The following LRP2 variants were observed in gnomAD, a reference collection of about 807,000 sequenced individuals.
LRP2 encodes the protein LDL receptor related protein 2, also known as low-density lipoprotein receptor-related protein 2.
In LRP2, 172 loss-of-function variants were observed where a neutral mutation model predicts 531.0. The observed-to-expected ratio is 0.32, with a 90% confidence interval of 0.29 to 0.37. The LOEUF (loss-of-function observed/expected upper bound fraction) is 0.37, where lower values mean the gene tolerates loss of function less well. LRP2 is among the 10% of genes least tolerant of loss of function. The pLI is 1.00. For missense variants in LRP2, 5,167 were observed against 5,868.3 expected, an observed-to-expected ratio of 0.88 and a Z score of 3.90; for synonymous variants, 1,992 against 2,027.6, an observed-to-expected ratio of 0.98 and a Z score of 0.47.
chr2:169,268,985 A>G (rs1574202660), intron 16 of LRP2, among the ~76,000 whole-genome samples: 2 of 152,310 alleles, frequency 1.3e-5, no homozygotes, highest in Admixed American at 6.5e-5. Flanking sequence ...CCAAATCATG[A>G]GTGAACTCCC....
intron 48 of LRP2, among the ~76,000 whole-genome samples, chr2:169,189,187 AC>A (rs1026512055): frequency 6.6e-6 from 1 of 152,210 alleles, no homozygotes; most frequent in African/African-American, 2.4e-5. Flanking sequence ...ATGGTTTTGA[AC>A]AATTTATCAT....
At chr2:169,215,793 A>G (rs1688766515) in intron 35 of LRP2, among the ~76,000 whole-genome samples, 2 of 148,102 alleles carry the variant, frequency 1.4e-5, no homozygotes, top group South Asian at 2.1e-4. Context: ...TAGAATCTAT[A>G]TAGATTCTAT....
chr2:169,233,324 T>G (rs1204074277), intron 30 of LRP2, 87 bp downstream of exon 30: 1 of 1,431,410 alleles, frequency 7.0e-7, no homozygotes, highest in Non-Finnish European at 9.9e-7. Context: ...TCCAAACAAA[T>G]GGGTCTGTAA....
intron 16 of LRP2, among the ~76,000 whole-genome samples, chr2:169,264,944 G>T (rs539677562): frequency 6.6e-6 from 1 of 152,106 alleles, no homozygotes; most frequent in African/African-American, 2.4e-5. Context: ...GATGGATGTG[G>T]AACTGAGTAC....
chr2:169,350,916 G>A (rs1324509457), intron 1 of LRP2, among the ~76,000 whole-genome samples: 2 of 151,890 alleles, frequency 1.3e-5, no homozygotes, highest in African/African-American at 4.8e-5. Flanking sequence ...AGTCCATGCC[G>A]CCTCCCTGAA....
Position 169,314,212 on chromosome 2 carries a change from C to T in LRP2, c.310+4550G>A, listed in dbSNP as rs569199356. Among the ~76,000 whole-genome samples, 5 of 150,742 alleles carry T rather than the reference C, an allele frequency of 3.3e-5. No individual in the cohort carries two copies. The South Asian group carries it at 1.0e-3, about 31-fold the overall frequency. ...AAGAATTCAAGACTAGCCTGGGCAA[C>T]ATAGTGAGATCCTTATATCTTAAAA... On this transcript the variant is annotated intron_variant, in intron 3 of 78. Transcript: ENST00000649046.
chr2:169,127,612 C>T lies in LRP2; in HGVS notation c.*1051G>A, dbSNP rs1395959758. 6.9e-6 allele frequency: 1 copy of T among 145,886 alleles called. No homozygotes were observed. Among genetic ancestry groups the T allele is most frequent in the Non-Finnish European group, 1.5e-5 (1 of 66,618 alleles). 9.0% of individuals were successfully genotyped at this position (145,886 alleles called of 1,614,324 possible). A position where few individuals can be genotyped will look rare whatever the true frequency, so the allele number is the denominator to read the frequency against. ...TACAGTACATTCTAATATAAATGTA[C>T]ACATTTAGCCACAGGGCCTAATAAA... On this transcript the variant is annotated 3_prime_UTR_variant, in exon 79 of 79. Transcript: ENST00000649046.
At position 169,142,772 on chromosome 2, in the gene LRP2, A is replaced by T; in HGVS notation, c.13010T>A (p.Ile4337Asn). The T allele has an allele frequency of 6.2e-7, 1 of 1,614,052 alleles. No homozygotes were observed. Among genetic ancestry groups the T allele is most frequent in the Non-Finnish European group, 8.5e-7 (1 of 1,179,942 alleles). The change falls in exon 71 of 79, where the codon ATC (isoleucine) becomes AAC (asparagine). Residue 4337 changes from isoleucine (I) to asparagine (N), a missense_variant. By Grantham distance (149) the Ile-to-Asn change is moderately radical. Coordinates refer to ENST00000649046, the MANE Select transcript of LRP2 (RefSeq NM_004525.3). ...TCTCAGAAGGCAGAGGTGGCTGCAG[A>T]TCTGTTTGCAAAGGTTGGGCACTGG... ...NKSVPNLCKQ[I>N]CSHLCLLRPG...
In LRP2 at chr2:169,128,834, A is replaced by G. The variant is rs774577291; in HGVS notation, c.13801-4T>C. Reference sequence around the variant, plus strand: ...TTTCCTTTTGCTCGTTCTCCATCTAAGAATACAATGTAACAGGAATCAGCC... The same window carrying G: ...TTTCCTTTTGCTCGTTCTCCATCTAGGAATACAATGTAACAGGAATCAGCC... On this transcript the variant is annotated splice_region_variant and splice_polypyrimidine_tract_variant and intron_variant, in intron 78 of 78. Coordinates refer to ENST00000649046, the MANE Select transcript of LRP2 (RefSeq NM_004525.3). The G allele has an allele frequency of 8.7e-6, 14 of 1,614,098 alleles. No homozygotes were observed. In the South Asian group the frequency reaches 1.5e-4, roughly 18 times the overall value.
intron 3 of LRP2, among the ~76,000 whole-genome samples, chr2:169,313,198 T>G (rs931954936): frequency 6.6e-6 from 1 of 152,206 alleles, no homozygotes; most frequent in African/African-American, 2.4e-5. Context: ...GTCTGAAGCC[T>G]TCTTCTCTCA....
intron 50 of LRP2, chr2:169,182,720 G>T: frequency 2.8e-6 from 2 of 707,108 alleles, no homozygotes; most frequent in Non-Finnish European, 1.7e-6. Context: ...GTCTAAGTGT[G>T]TCATTGAAAC....
chr2:169,185,870 G>A lies in LRP2; in HGVS notation c.9478C>T (p.Pro3160Ser), dbSNP rs1424345675. The A allele has an allele frequency of 6.2e-7, 1 of 1,613,886 alleles. No homozygotes were observed. The highest frequency in any genetic ancestry group is 8.5e-7 in the Non-Finnish European group (1 of 1,179,980). ...TCACACTTCTGGCTACAGACAAAAG[G>A]CATCTCTGTGCATTCATCAATATCA... is the stretch of plus-strand genomic sequence containing the variant. Reference protein sequence around the residue: ...CVDIDECTEMPFVCSQKCENV... With the variant: ...CVDIDECTEMSFVCSQKCENV... The change falls in exon 50 of 79, where the codon CCT becomes TCT. Residue 3160 changes from proline (P) to serine (S), a missense_variant. Transcript: ENST00000649046.
intron 1 of LRP2, among the ~76,000 whole-genome samples, chr2:169,333,739 T>A (rs901709233): frequency 4.6e-5 from 7 of 152,130 alleles, no homozygotes; most frequent in African/African-American, 1.7e-4. Context: ...ATTTCCTGTG[T>A]CTCCCCTACT....
chr2:169,269,374 C>G (rs376717633), intron 16 of LRP2, among the ~76,000 whole-genome samples: 3 of 152,262 alleles, frequency 2.0e-5, no homozygotes, highest in South Asian at 4.2e-4. Flanking sequence ...CTACAGTAAC[C>G]AAAACAGCAT....
Position 169,318,823 on chromosome 2 carries a change from G to A in LRP2, c.249C>T (p.Asn83=), listed in dbSNP as rs1345442143. ...KCQSEGQCIP[N]SWVCDQDQDC... is the part of the protein sequence containing the mutation. ...CTTGATCTTGGTCACACACCCAGGA[G>A]TTGGGGATGCATTGTCCCTCACTCT... The change falls in exon 3 of 79, where the codon AAC becomes AAT. Residue 83 remains asparagine, a synonymous_variant. Transcript: ENST00000649046. 2 of 1,614,158 alleles carry A rather than the reference G, an allele frequency of 1.2e-6. No individual in the cohort carries two copies. Among genetic ancestry groups the A allele is most frequent in the Non-Finnish European group, 1.7e-6 (2 of 1,180,000 alleles).
intron 4 of LRP2, among the ~76,000 whole-genome samples, chr2:169,296,033 TAGTCCCA>T (rs1249616064): frequency 1.3e-5 from 2 of 152,104 alleles, no homozygotes; most frequent in African/African-American, 4.8e-5. Context: ...ATTCTTTGGA[TAGTCCCA>T]AGTCTTTTCA....
intron 1 of LRP2, among the ~76,000 whole-genome samples, chr2:169,347,462 C>A (rs1685723959): frequency 6.6e-6 from 1 of 151,760 alleles, no homozygotes; most frequent in African/African-American, 2.4e-5. Context: ...TAATTTTTTT[C>A]ATTAGTAGTA....
At position 169,280,834 on chromosome 2, in the gene LRP2, T is replaced by A. The variant is rs559461244; in HGVS notation, c.1172-315A>T. Among the ~76,000 whole-genome samples the A allele has an allele frequency of 4.6e-5, 7 of 152,304 alleles. No individual in the cohort carries two copies. In the East Asian group the frequency reaches 1.4e-3, roughly 29 times the overall value. On this transcript the variant is annotated intron_variant, in intron 10 of 78. Coordinates refer to ENST00000649046, the MANE Select transcript of LRP2 (RefSeq NM_004525.3). ...ACTGAGGAGAGTATTTCTCAGATAT[T>A]TTCGAGACTCCTTGATGGTATGGGC...
At chr2:169,212,433 G>A (rs753209122) in intron 36 of LRP2, among the ~76,000 whole-genome samples, 2 of 152,098 alleles carry the variant, frequency 1.3e-5, no homozygotes, top group Non-Finnish European at 2.9e-5. Context: ...GTTAGAGAAT[G>A]GGGCTTCACT....
Sources: allele counts gnomAD v4.1 joint callset (sites outside exome capture counted in the v4.1 genomes callset), GRCh38; gene constraint gnomAD v4.1.1; transcripts MANE v1.5; gene names NCBI Gene and HGNC (gene_info 2026-07-23, HGNC 2026-07-21).